SEZ6L: variants seen among roughly 807,000 people sequenced by gnomAD.
SEZ6L encodes seizure related 6 homolog like, also known as seizure 6-like protein.
In SEZ6L, 37 loss-of-function variants were observed where a neutral mutation model predicts 106.2. That is an observed-to-expected ratio of 0.35 (90% CI 0.27 to 0.46). The LOEUF (loss-of-function observed/expected upper bound fraction) is 0.46. Among genes scored for constraint, SEZ6L ranks in the 20% least tolerant of loss-of-function variants. The probability of loss-of-function intolerance (pLI) is 1.00; values close to 1 mark genes in which losing one functional copy is unlikely to be tolerated. For missense variants in SEZ6L, 1,172 were observed against 1,332.8 expected (o/e 0.88, Z 1.88); for synonymous variants, 541 against 570.4 (o/e 0.95, Z 0.73).
chr22:26,197,154 T>TG (rs577810194), intron 1 of SEZ6L, among the ~76,000 whole-genome samples: 1 of 110,542 alleles, frequency 9.0e-6, no homozygotes, highest in African/African-American at 4.0e-5. Context: ...GAATTATTTG[T>TG]TTTTTTTTTC....
intron 1 of SEZ6L, among the ~76,000 whole-genome samples, chr22:26,184,150 G>C (rs747405340): frequency 1.3e-5 from 2 of 152,226 alleles, no homozygotes; most frequent in Admixed American, 6.5e-5. Context: ...ATAGACTTTT[G>C]ATTCTTACAA....
At chr22:26,309,509 A>C (rs769323754) in intron 6 of SEZ6L, among the ~76,000 whole-genome samples, 26 of 152,218 alleles carry the variant, frequency 1.7e-4, no homozygotes, top group Non-Finnish European at 3.1e-4. Context: ...TGCTCTTAGA[A>C]AATGGGGATC....
intron 15 of SEZ6L, among the ~76,000 whole-genome samples, chr22:26,376,633 C>T (rs1402723575): frequency 6.6e-6 from 1 of 152,110 alleles, no homozygotes; most frequent in African/African-American, 2.4e-5. Flanking sequence ...CCTGTAATCC[C>T]AGCTACTTGG....
At chr22:26,256,314 T>G (rs1020153719) in intron 1 of SEZ6L, among the ~76,000 whole-genome samples, 1 of 151,886 alleles carries the variant, frequency 6.6e-6, no homozygotes, top group Non-Finnish European at 1.5e-5. Context: ...AGGAAGTGAA[T>G]AAGAGGTCAC....
intron 13 of SEZ6L, among the ~76,000 whole-genome samples, chr22:26,370,617 T>G (rs1462716637): frequency 2.0e-5 from 3 of 152,010 alleles, no homozygotes; most frequent in Non-Finnish European, 4.4e-5. Flanking sequence ...TCACCTGAAT[T>G]TCCAGTGTCA....
intron 1 of SEZ6L, among the ~76,000 whole-genome samples, chr22:26,263,189 T>C (rs990049841): frequency 6.6e-6 from 1 of 152,198 alleles, no homozygotes; most frequent in African/African-American, 2.4e-5. Context: ...GAGGGGGAAG[T>C]TATTACCTGC....
chr22:26,284,173 G>A (rs1459126045), intron 1 of SEZ6L, among the ~76,000 whole-genome samples: 1 of 152,230 alleles, frequency 6.6e-6, no homozygotes, highest in Non-Finnish European at 1.5e-5. Context: ...TGGCTGTCCA[G>A]TGTCTTACCG....
intron 1 of SEZ6L, among the ~76,000 whole-genome samples, chr22:26,222,080 G>T (rs547648314): frequency 2.0e-5 from 3 of 152,228 alleles, no homozygotes; most frequent in African/African-American, 7.2e-5. Context: ...TAATCGCCTG[G>T]GGTGGCAGTG....
intron 1 of SEZ6L, among the ~76,000 whole-genome samples, chr22:26,205,500 C>T (rs1941228432): frequency 6.6e-6 from 1 of 152,222 alleles, no homozygotes; most frequent in African/African-American, 2.4e-5. Context: ...AGCTTTCTAA[C>T]TACACCATGC....
At chr22:26,332,247 T>C (rs2082508213) in intron 9 of SEZ6L, among the ~76,000 whole-genome samples, 1 of 150,280 alleles carries the variant, frequency 6.7e-6, no homozygotes, top group Non-Finnish European at 1.5e-5. Flanking sequence ...TCTCTCAGGT[T>C]CAAGCAATTC....
intron 9 of SEZ6L, among the ~76,000 whole-genome samples, chr22:26,331,337 G>T (rs2082474606): frequency 6.6e-6 from 1 of 152,148 alleles, no homozygotes. Flanking sequence ...TATCCTTTTT[G>T]AAGAGGTACT....
At position 26,341,868 on chromosome 22, in the gene SEZ6L, C is replaced by T. The variant is rs546130864; in HGVS notation, c.2212+1236C>T. On this transcript the variant is annotated intron_variant, in intron 10 of 16. Transcript: ENST00000248933. ...TCTTTCTACGGCCACCACTCTAGTC[C>T]GAACTACCAACATTCCCAGATGTCA... 1.6e-4 allele frequency among the ~76,000 whole-genome samples: 24 copies of T among 152,320 alleles called. No homozygotes were observed. The East Asian group carries it at 3.3e-3, about 21-fold the overall frequency.
chr22:26,273,346 G>A (rs1393802441), intron 1 of SEZ6L, among the ~76,000 whole-genome samples: 1 of 152,266 alleles, frequency 6.6e-6, no homozygotes, highest in Non-Finnish European at 1.5e-5. Context: ...GCCGGGTGGG[G>A]AGCTGACAAT....
intron 1 of SEZ6L, among the ~76,000 whole-genome samples, chr22:26,195,368 G>A (rs1469097173): frequency 6.6e-6 from 1 of 152,176 alleles, no homozygotes; most frequent in Non-Finnish European, 1.5e-5. Context: ...CCTCGCCACT[G>A]CCTACCTATG....
intron 1 of SEZ6L, among the ~76,000 whole-genome samples, chr22:26,257,186 T>A (rs555614740): frequency 1.3e-5 from 2 of 152,318 alleles, no homozygotes; most frequent in African/African-American, 4.8e-5. Context: ...TAAAGAATTA[T>A]CCAGCCCAAA....
At position 26,317,158 on chromosome 22, in the gene SEZ6L, T is replaced by C. The variant is rs1007293099; in HGVS notation, c.2015+3256T>C. 3.3e-5 allele frequency among the ~76,000 whole-genome samples: 5 copies of C among 152,018 alleles called. No homozygotes were observed. The South Asian group carries it at 6.2e-4, about 19-fold the overall frequency. On this transcript the variant is annotated intron_variant, in intron 9 of 16. Coordinates refer to ENST00000248933, the MANE Select transcript of SEZ6L (RefSeq NM_021115.5). ...AATGGATCAAAGGGAAGCTCTGGGG[T>C]CTTCTTAGCTGAAGCTTCACATAGA...
intron 11 of SEZ6L, among the ~76,000 whole-genome samples, chr22:26,348,702 GA>G (rs1260699426): frequency 1.1e-5 from 1 of 91,438 alleles, no homozygotes; most frequent in African/African-American, 4.6e-5. Flanking sequence ...AAGAAAGAAA[GA>G]AGGCAAGGGA....
At position 26,296,936 on chromosome 22, in the gene SEZ6L, G is replaced by A; in HGVS notation, c.1018G>A (p.Val340Met). ...TGGGGAACTGCTCTCCATCCGCGGG[G>A]TGGACGGCCCTACCCTGACCGTCCT... is the stretch of plus-strand genomic sequence containing the variant. ...SDGELLSIRG[V>M]DGPTLTVLAN... The change falls in exon 4 of 17, where the codon GTG (valine) becomes ATG (methionine). Residue 340 changes from valine (V) to methionine (M), a missense_variant. Val to Met is a conservative substitution (Grantham distance 21). Coordinates refer to ENST00000248933, the MANE Select transcript of SEZ6L (RefSeq NM_021115.5). The A allele has an allele frequency of 6.2e-7, 1 of 1,613,136 alleles. No homozygotes were observed. The highest frequency in any genetic ancestry group is 2.2e-5 in the East Asian group (1 of 44,822).
chr22:26,220,128 C>T (rs1036521921), intron 1 of SEZ6L, among the ~76,000 whole-genome samples: 4 of 152,144 alleles, frequency 2.6e-5, no homozygotes, highest in African/African-American at 9.7e-5. Context: ...AGGTCCACCA[C>T]CTACTCACAG....
Sources: allele counts gnomAD v4.1 joint callset (sites outside exome capture counted in the v4.1 genomes callset), GRCh38; gene constraint gnomAD v4.1.1; transcripts MANE v1.5; gene names NCBI Gene and HGNC (gene_info 2026-07-23, HGNC 2026-07-21).